DPP10: variants seen among roughly 807,000 people sequenced by gnomAD.
The protein encoded by DPP10 is inactive dipeptidyl peptidase 10.
Under a neutral mutation model 120.9 loss-of-function variants are expected in DPP10, and 33 were observed. The observed-to-expected ratio is 0.27, with a 90% confidence interval of 0.21 to 0.37. DPP10 has a LOEUF of 0.37. DPP10 is among the 10% of genes least tolerant of loss of function. The pLI is 1.00. For missense variants in DPP10, 816 were observed against 942.8 expected (o/e 0.87, Z 1.76); for synonymous variants, 337 against 326.1 (o/e 1.03, Z -0.36).
chr2:115,358,660 A>T (rs1476685338), intron 3 of DPP10, among the ~76,000 whole-genome samples: 1 of 152,136 alleles, frequency 6.6e-6, no homozygotes, highest in African/African-American at 2.4e-5. Flanking sequence ...TACCAGTACA[A>T]ATTTACTGTA....
intron 1 of DPP10, among the ~76,000 whole-genome samples, chr2:114,674,696 G>A (rs1056925110): frequency 1.5e-4 from 23 of 152,196 alleles, no homozygotes; most frequent in African/African-American, 3.9e-4. Context: ...GACTAGATGC[G>A]CTATTGAGAT....
intron 1 of DPP10, among the ~76,000 whole-genome samples, chr2:114,810,433 G>T (rs909187560): frequency 2.0e-5 from 3 of 152,202 alleles, no homozygotes; most frequent in Non-Finnish European, 4.4e-5. Flanking sequence ...ATCAGAAATT[G>T]TGAGAATGAT....
At chr2:114,659,807 A>C (rs1211171250) in intron 1 of DPP10, among the ~76,000 whole-genome samples, 1 of 152,088 alleles carries the variant, frequency 6.6e-6, no homozygotes, top group Non-Finnish European at 1.5e-5. Flanking sequence ...AAGGAGGGGG[A>C]AATTTGGAGA....
At chr2:115,061,309 A>G (rs1706380544) in intron 1 of DPP10, among the ~76,000 whole-genome samples, 1 of 152,240 alleles carries the variant, frequency 6.6e-6, no homozygotes, top group African/African-American at 2.4e-5. Context: ...ATAGATAGAG[A>G]TGAAAATGAA....
At chr2:115,145,442 G>A (rs866346285) in intron 1 of DPP10, among the ~76,000 whole-genome samples, 2 of 152,042 alleles carry the variant, frequency 1.3e-5, no homozygotes, top group African/African-American at 4.8e-5. Flanking sequence ...TTAGTAATAT[G>A]CACTTAGGAT....
At chr2:115,586,546 T>C (rs1286931505) in intron 5 of DPP10, among the ~76,000 whole-genome samples, 2 of 152,220 alleles carry the variant, frequency 1.3e-5, no homozygotes, top group Non-Finnish European at 2.9e-5. Flanking sequence ...TGATGTTTCT[T>C]CTGTATTTCA....
At chr2:114,572,143 A>G (rs1474966761) in intron 1 of DPP10, among the ~76,000 whole-genome samples, 1 of 151,904 alleles carries the variant, frequency 6.6e-6, no homozygotes, top group Admixed American at 6.6e-5. Context: ...AATAAACATC[A>G]TGAAAGGGCA....
intron 1 of DPP10, among the ~76,000 whole-genome samples, chr2:114,799,386 A>C (rs1012949279): frequency 3.9e-5 from 6 of 152,202 alleles, no homozygotes; most frequent in African/African-American, 1.4e-4. Context: ...ATCATACCTT[A>C]ACTATTCAGA....
intron 1 of DPP10, among the ~76,000 whole-genome samples, chr2:115,185,726 A>T (rs2054389941): frequency 6.6e-6 from 1 of 152,214 alleles, no homozygotes; most frequent in Non-Finnish European, 1.5e-5. Context: ...TTCGGCATAG[A>T]TGGATGTGGC....
intron 2 of DPP10, among the ~76,000 whole-genome samples, chr2:115,337,765 T>C (rs1386817793): frequency 6.6e-6 from 1 of 151,666 alleles, no homozygotes; most frequent in East Asian, 1.9e-4. Flanking sequence ...GGAAGGAGTC[T>C]TTATTCTAGG....
chr2:115,707,398 T>C (rs2092153477), intron 7 of DPP10, among the ~76,000 whole-genome samples: 1 of 143,102 alleles, frequency 7.0e-6, no homozygotes, highest in African/African-American at 2.6e-5. Context: ...CATAAAGGAA[T>C]TAAGTAAGAA....
chr2:114,628,983 G>A (rs968291661), intron 1 of DPP10, among the ~76,000 whole-genome samples: 4 of 152,106 alleles, frequency 2.6e-5, no homozygotes, highest in African/African-American at 9.7e-5. Flanking sequence ...GAGGAAACAT[G>A]AGAATTTATC....
At chr2:114,629,740 G>A (rs1484919751) in intron 1 of DPP10, among the ~76,000 whole-genome samples, 2 of 152,094 alleles carry the variant, frequency 1.3e-5, no homozygotes, top group Admixed American at 1.3e-4. Flanking sequence ...ATTAAAATGT[G>A]TATACCGTTG....
At chr2:114,897,811 C>T (rs1340657710) in intron 1 of DPP10, among the ~76,000 whole-genome samples, 2 of 152,080 alleles carry the variant, frequency 1.3e-5, no homozygotes, top group Admixed American at 1.3e-4. Context: ...TCATCTCACA[C>T]CAGTTAGAAT....
intron 1 of DPP10, among the ~76,000 whole-genome samples, chr2:114,807,875 G>A (rs1005894966): frequency 2.0e-5 from 3 of 152,168 alleles, no homozygotes; most frequent in Admixed American, 6.5e-5. Context: ...GATGTCTGGG[G>A]ACTAGAATTA....
At position 114,693,769 on chromosome 2, in the gene DPP10, G is replaced by A. The variant is rs145938738; in HGVS notation, c.60+250931G>A. On this transcript the variant is annotated intron_variant, in intron 1 of 25. Coordinates refer to ENST00000410059, the MANE Select transcript of DPP10 (RefSeq NM_020868.6). ...TAATCCCATATTTCTTGGAGGTTTCGTTTGCTCTTTTTTATTCTTTTATCT... is the reference window on the plus strand; with the variant it reads ...TAATCCCATATTTCTTGGAGGTTTCATTTGCTCTTTTTTATTCTTTTATCT... Among the ~76,000 whole-genome samples the A allele has an allele frequency of 2.0e-3, 308 of 151,886 alleles. 2 individuals carry two copies. The highest frequency in any genetic ancestry group is 6.5e-3 in the African/African-American group (271 of 41,488).
intron 20 of DPP10, among the ~76,000 whole-genome samples, 183 bp from the exon 21 acceptor site, chr2:115,815,492 A>G (rs1364387391): frequency 6.6e-6 from 1 of 152,306 alleles, no homozygotes; most frequent in Non-Finnish European, 1.5e-5. Flanking sequence ...ATACCAAACT[A>G]CTAGGCCATC....
intron 1 of DPP10, among the ~76,000 whole-genome samples, chr2:114,525,214 G>T (rs1685404563): frequency 6.6e-6 from 1 of 152,160 alleles, no homozygotes; most frequent in African/African-American, 2.4e-5. Flanking sequence ...ATTAACACAA[G>T]CCTGTACCCA....
chr2:115,683,451 G>A (rs767417517), intron 5 of DPP10, among the ~76,000 whole-genome samples: 13 of 151,812 alleles, frequency 8.6e-5, no homozygotes, highest in South Asian at 2.1e-4. Context: ...CATAACTCAC[G>A]GAATATACAA....
Sources: gnomAD v4.1 joint callset for allele counts (sites outside exome capture counted in the v4.1 genomes callset) on GRCh38, gnomAD v4.1.1 for gene constraint, MANE v1.5 for transcripts, NCBI Gene and HGNC (gene_info 2026-07-23, HGNC 2026-07-21) for gene names.